LRP1B: variants seen among roughly 807,000 people sequenced by gnomAD.
LRP1B encodes the protein low-density lipoprotein receptor-related protein 1B.
LRP1B carries 217 observed loss-of-function variants against 556.6 expected under a neutral mutation model. The ratio of observed to expected loss-of-function variants is 0.39; its 90% CI spans 0.35 to 0.44. The LOEUF (loss-of-function observed/expected upper bound fraction) is 0.44, where lower values mean the gene tolerates loss of function less well. Ranked by LOEUF, LRP1B falls within the 20% of genes least tolerant of loss-of-function variation. LRP1B has a pLI of 1.00. For synonymous variants in LRP1B, 2,047 were observed against 1,865.8 expected (o/e 1.10, Z -2.50); for missense variants, 5,053 against 5,620.8 (o/e 0.90, Z 3.23).
At chr2:140,454,359 C>A (rs1286799731) in intron 62 of LRP1B, among the ~76,000 whole-genome samples, 3 of 151,986 alleles carry the variant, frequency 2.0e-5, no homozygotes, top group African/African-American at 7.2e-5. Context: ...CTACGTTGGC[C>A]AGGCGGCTCT....
intron 2 of LRP1B, among the ~76,000 whole-genome samples, chr2:141,657,652 G>A (rs991010088): frequency 4.6e-5 from 7 of 152,064 alleles, no homozygotes; most frequent in African/African-American, 1.7e-4. Context: ...AGACATATCT[G>A]AGTCCAACTT....
At chr2:140,803,541 A>G (rs893345170) in intron 32 of LRP1B, among the ~76,000 whole-genome samples, 3 of 151,504 alleles carry the variant, frequency 2.0e-5, no homozygotes, top group African/African-American at 7.3e-5. Flanking sequence ...CTCGTGATCC[A>G]CTCGCCTTGG....
At chr2:141,190,070 G>C (rs1681441832) in intron 6 of LRP1B, among the ~76,000 whole-genome samples, 1 of 151,962 alleles carries the variant, frequency 6.6e-6, no homozygotes, top group Non-Finnish European at 1.5e-5. Context: ...GTCTTTTGCT[G>C]AGGACTGCTG....
intron 1 of LRP1B, among the ~76,000 whole-genome samples, chr2:141,989,698 T>C (rs1227242932): frequency 1.3e-5 from 2 of 152,132 alleles, no homozygotes; most frequent in East Asian, 3.9e-4. Flanking sequence ...CGAGATCTGA[T>C]GGTTTTATAA....
intron 2 of LRP1B, among the ~76,000 whole-genome samples, chr2:141,645,246 G>T (rs1689510271): frequency 6.6e-6 from 1 of 152,002 alleles, no homozygotes; most frequent in Admixed American, 6.6e-5. Context: ...GGAATTTATT[G>T]TTGGGAATGG....
chr2:140,558,082 G>A (rs993520035), intron 43 of LRP1B, among the ~76,000 whole-genome samples: 2 of 152,112 alleles, frequency 1.3e-5, no homozygotes, highest in African/African-American at 2.4e-5. Context: ...CACCTCACAC[G>A]TGTTAAGATG....
intron 21 of LRP1B, among the ~76,000 whole-genome samples, chr2:140,916,081 G>A (rs1374178433): frequency 3.9e-5 from 6 of 151,984 alleles, no homozygotes. Context: ...AAAAATATAG[G>A]AGGCTCATAA....
intron 21 of LRP1B, among the ~76,000 whole-genome samples, chr2:140,908,430 C>A (rs776271139): frequency 2.6e-4 from 38 of 147,398 alleles, no homozygotes; most frequent in Non-Finnish European, 3.6e-4. Flanking sequence ...AGTTTAATTG[C>A]AAAACTGTTA....
intron 2 of LRP1B, among the ~76,000 whole-genome samples, chr2:141,697,973 G>A (rs1262502733): frequency 6.6e-6 from 1 of 151,890 alleles, no homozygotes; most frequent in Non-Finnish European, 1.5e-5. Context: ...AACATTCTCT[G>A]TTTCTGAGCT....
intron 32 of LRP1B, among the ~76,000 whole-genome samples, chr2:140,794,414 A>T (rs2104993290): frequency 6.6e-6 from 1 of 152,150 alleles, no homozygotes; most frequent in African/African-American, 2.4e-5. Context: ...TATGAGAAAA[A>T]AATAAATGAA....
At chr2:141,463,589 TAA>T (rs1553518123) in intron 3 of LRP1B, among the ~76,000 whole-genome samples, 20 of 86,356 alleles carry the variant, frequency 2.3e-4, no homozygotes, top group Admixed American at 1.1e-3. Context: ...TAATTATATA[TAA>T]TATATATTAT....
chr2:140,264,692 T>C (rs1682109407), intron 86 of LRP1B, among the ~76,000 whole-genome samples: 1 of 133,256 alleles, frequency 7.5e-6, no homozygotes, highest in African/African-American at 2.8e-5. Flanking sequence ...AAAAAAAAAA[T>C]TGTCTATATA....
intron 77 of LRP1B, among the ~76,000 whole-genome samples, chr2:140,337,666 T>A (rs1681166783): frequency 6.6e-6 from 1 of 151,858 alleles, no homozygotes; most frequent in South Asian, 2.1e-4. Context: ...GACACAAACC[T>A]TTATGACATA....
rs1701305904 is a variant in LRP1B, at chr2:141,129,841, G to C, written c.1013+58580C>G. ...AAATATGAAAATGATTTTTAAAAGT[G>C]TTCTTCATTTAAAGGTAAAAAAACT... On this transcript the variant is annotated intron_variant, in intron 7 of 90. Coordinates refer to ENST00000389484, the MANE Select transcript of LRP1B (RefSeq NM_018557.3). 2.0e-5 allele frequency among the ~76,000 whole-genome samples: 3 copies of C among 151,938 alleles called. No individual in the cohort carries two copies. The South Asian group carries it at 6.2e-4, about 32-fold the overall frequency.
chr2:141,215,956 C>A (rs757441144), intron 6 of LRP1B, among the ~76,000 whole-genome samples: 6 of 152,160 alleles, frequency 3.9e-5, no homozygotes, highest in Non-Finnish European at 8.8e-5. Context: ...GGCTGCTGAG[C>A]AAATACTTGC....
chr2:140,700,235 A>C lies in LRP1B; in HGVS notation c.6799+15T>G. 1 of 1,597,842 alleles carries C rather than the reference A, an allele frequency of 6.3e-7. No homozygotes were observed. The highest frequency in any genetic ancestry group is 8.5e-7 in the Non-Finnish European group (1 of 1,169,880). On this transcript the variant is annotated intron_variant, in intron 41 of 90. Transcript: ENST00000389484. ...ACTCATTTCCACCTATTTAAAATTG[A>C]ATTACTGTACTTACTTTCAACAATT...
chr2:140,277,095 A>C (rs1573722824), intron 84 of LRP1B, among the ~76,000 whole-genome samples: 1 of 145,382 alleles, frequency 6.9e-6, no homozygotes. Flanking sequence ...CTTTTTTTTT[A>C]TAACTATACC....
intron 2 of LRP1B, among the ~76,000 whole-genome samples, chr2:141,485,750 G>A (rs1455138694): frequency 6.6e-6 from 1 of 152,044 alleles, no homozygotes; most frequent in East Asian, 1.9e-4. Flanking sequence ...CATCCACCAG[G>A]GTGAGAAGCA....
intron 84 of LRP1B, among the ~76,000 whole-genome samples, chr2:140,293,096 C>T (rs1683459209): frequency 6.6e-6 from 1 of 152,096 alleles, no homozygotes; most frequent in South Asian, 2.1e-4. Flanking sequence ...TATAATGGTT[C>T]TGCAAGCAGA....
Sources: allele counts gnomAD v4.1 joint callset (sites outside exome capture counted in the v4.1 genomes callset), GRCh38; gene constraint gnomAD v4.1.1; transcripts MANE v1.5; gene names NCBI Gene and HGNC (gene_info 2026-07-23, HGNC 2026-07-21).